LARGE1: variants seen among roughly 807,000 people sequenced by gnomAD.
LARGE1 encodes the protein LARGE xylosyl- and glucuronyltransferase 1, also known as xylosyl- and glucuronyltransferase LARGE1.
LARGE1 carries 43 observed loss-of-function variants against 87.6 expected under a neutral mutation model. The observed-to-expected ratio is 0.49, with a 90% CI of 0.38 to 0.63. The LOEUF (loss-of-function observed/expected upper bound fraction) is 0.63. Among genes scored for constraint, LARGE1 ranks in the 30% least tolerant of loss-of-function variants. LARGE1 has a pLI of 0.00. For missense variants in LARGE1, 802 were observed against 1,000.2 expected (o/e 0.80, Z 2.67); for synonymous variants, 434 against 394.6 (o/e 1.10, Z -1.18).
the LARGE1 span, among the ~76,000 whole-genome samples, chr22:33,131,504 G>GT: frequency 6.6e-6 from 1 of 152,168 alleles, no homozygotes; most frequent in East Asian, 1.9e-4. Context: ...AAGGAAAGGG[G>GT]TTTAATGGAC....
intron 2 of LARGE1, among the ~76,000 whole-genome samples, chr22:33,761,058 A>G (rs1601551193): frequency 1.3e-5 from 2 of 152,188 alleles, no homozygotes; most frequent in South Asian, 4.1e-4. Flanking sequence ...ATATGGCTCC[A>G]TGAATAGCTC....
intron 6 of LARGE1, among the ~76,000 whole-genome samples, chr22:33,550,424 T>C (rs1016886385): frequency 1.8e-4 from 27 of 152,184 alleles, no homozygotes; most frequent in African/African-American, 6.3e-4. Context: ...TGGAGGGGCA[T>C]AGGATAGAGG....
chr22:33,897,173 T>G (rs965569673), intron 1 of LARGE1, among the ~76,000 whole-genome samples: 1 of 152,146 alleles, frequency 6.6e-6, no homozygotes. Flanking sequence ...AAGCCTCAGG[T>G]TGACTCACTC....
chr22:33,515,129 A>T (rs935975375), intron 6 of LARGE1, among the ~76,000 whole-genome samples: 16 of 152,166 alleles, frequency 1.1e-4, no homozygotes, highest in African/African-American at 2.6e-4. Context: ...AAAAAAAAAA[A>T]AAATAAAAAA....
intron 6 of LARGE1, among the ~76,000 whole-genome samples, chr22:33,462,979 T>C (rs2068440580): frequency 6.6e-6 from 1 of 152,196 alleles, no homozygotes; most frequent in Admixed American, 6.5e-5. Flanking sequence ...TGAAGTTAAA[T>C]ATTCATGTTA....
At position 33,274,009 on chromosome 22, in the gene LARGE1, T is replaced by C. The variant is rs764718551; in HGVS notation, c.*418A>G. The stretch of plus-strand genomic sequence containing the variant: ...CACTTAATAAAGACAATTTCACTTC[T>C]ATTTCCTGGGACGAATAACCCCTAG... On this transcript the variant is annotated 3_prime_UTR_variant, in exon 15 of 15. Transcript: ENST00000397394. The C allele has an allele frequency of 8.9e-6, 3 of 337,266 alleles. No individual in the cohort carries two copies. The highest frequency in any genetic ancestry group is 1.6e-5 in the Non-Finnish European group (3 of 185,564). 20.9% of individuals were successfully genotyped at this position (337,266 alleles called of 1,614,324 possible). A position where few individuals can be genotyped will look rare whatever the true frequency, so the allele number is the denominator to read the frequency against.
intron 7 of LARGE1, among the ~76,000 whole-genome samples, chr22:33,386,847 A>T (rs2065341615): frequency 6.7e-6 from 1 of 148,914 alleles, no homozygotes; most frequent in African/African-American, 2.4e-5. Context: ...CACACCTGTG[A>T]CCCCAGCACT....
At chr22:33,777,860 G>C (rs2145868567) in intron 1 of LARGE1, among the ~76,000 whole-genome samples, 1 of 152,338 alleles carries the variant, frequency 6.6e-6, no homozygotes, top group African/African-American at 2.4e-5. Flanking sequence ...CCTCCCAACA[G>C]TCATGCCCCT....
At chr22:33,875,558 A>G (rs965162581) in intron 1 of LARGE1, among the ~76,000 whole-genome samples, 1 of 152,182 alleles carries the variant, frequency 6.6e-6, no homozygotes, top group Admixed American at 6.5e-5. Context: ...TGCCTGCTGC[A>G]TCCTCTGAGC....
intron 1 of LARGE1, among the ~76,000 whole-genome samples, chr22:33,901,927 C>G (rs1416341319): frequency 6.6e-6 from 1 of 152,186 alleles, no homozygotes; most frequent in East Asian, 1.9e-4. Flanking sequence ...AAGCTGCTAC[C>G]TACTCCCCAC....
exon 12 of LARGE1, chr22:33,162,714 G>A (rs1415855618): frequency 3.3e-5 from 5 of 152,240 alleles, no homozygotes; most frequent in South Asian, 4.2e-4. Flanking sequence ...AAGCCTTTTC[G>A]GGGTGATGGA....
intron 11 of LARGE1, among the ~76,000 whole-genome samples, chr22:33,246,656 A>C (rs1926774458): frequency 6.6e-6 from 1 of 152,194 alleles, no homozygotes. Context: ...AAAAATAAAT[A>C]AATAACAACT....
chr22:33,241,311 C>T (rs1926501976), intron 11 of LARGE1, among the ~76,000 whole-genome samples: 1 of 152,068 alleles, frequency 6.6e-6, no homozygotes, highest in African/African-American at 2.4e-5. Flanking sequence ...TTAGAAGCCT[C>T]CCCTGATTCT....
chr22:33,192,952 T>A (rs1266923303), intron 11 of LARGE1, among the ~76,000 whole-genome samples: 1 of 152,232 alleles, frequency 6.6e-6, no homozygotes, highest in Non-Finnish European at 1.5e-5. Context: ...GTTCTTGGTA[T>A]CTTTGTCGAA....
intron 2 of LARGE1, among the ~76,000 whole-genome samples, chr22:33,697,953 T>C (rs913245871): frequency 1.3e-5 from 2 of 152,224 alleles, no homozygotes; most frequent in African/African-American, 4.8e-5. Context: ...GCCTTGCTAC[T>C]GGGGCTGGAT....
chr22:33,678,376 T>A (rs16992791), intron 2 of LARGE1, among the ~76,000 whole-genome samples: 3,160 of 152,296 alleles, frequency 0.021, 75 homozygotes, highest in African/African-American at 0.059. Context: ...AGGTTGCTAA[T>A]GGATACCATG....
the LARGE1 span, among the ~76,000 whole-genome samples, chr22:33,076,335 G>A: frequency 1.3e-5 from 2 of 152,140 alleles, no homozygotes; most frequent in Admixed American, 6.5e-5. Flanking sequence ...CAGTATACTT[G>A]TGATGGGATT....
chr22:33,156,153 T>C, the LARGE1 span, among the ~76,000 whole-genome samples: 1 of 152,070 alleles, frequency 6.6e-6, no homozygotes, highest in Admixed American at 6.5e-5. Flanking sequence ...GGAAGGGACA[T>C]GAGGGTCAGA....
chr22:33,790,297 T>C (rs1319508343), intron 1 of LARGE1, among the ~76,000 whole-genome samples: 1 of 152,192 alleles, frequency 6.6e-6, no homozygotes, highest in Non-Finnish European at 1.5e-5. Context: ...TGTGAGTCCA[T>C]TAAACCTTTT....
Sources: allele counts gnomAD v4.1 joint callset (sites outside exome capture counted in the v4.1 genomes callset), GRCh38; gene constraint gnomAD v4.1.1; transcripts MANE v1.5; gene names NCBI Gene and HGNC (gene_info 2026-07-23, HGNC 2026-07-21).